IL1RAPL1: variants seen among roughly 807,000 people sequenced by gnomAD.
IL1RAPL1 encodes the protein interleukin 1 receptor accessory protein like 1.
IL1RAPL1 carries 3 observed loss-of-function variants against 48.4 expected under a neutral mutation model. The observed-to-expected ratio is 0.06, with a 90% CI of 0.03 to 0.16. The LOEUF (loss-of-function observed/expected upper bound fraction) is 0.16. Among genes scored for constraint, IL1RAPL1 ranks in the 10% least tolerant of loss-of-function variants. The pLI is 1.00. For synonymous variants in IL1RAPL1, 185 were observed against 187.7 expected, an observed-to-expected ratio of 0.99 and a Z score of 0.12; for missense variants, 349 against 530.6, an observed-to-expected ratio of 0.66 and a Z score of 3.36.
chrX:29,073,146 C>T (rs1447211039), intron 2 of IL1RAPL1, among the ~76,000 whole-genome samples: 2 of 112,207 alleles, frequency 1.8e-5, no homozygotes, highest in African/African-American at 6.5e-5. Flanking sequence ...TGCCTCCAGT[C>T]CTTTTCCTGT....
chrX:29,778,795 G>A (rs1049723197), intron 6 of IL1RAPL1, among the ~76,000 whole-genome samples: 9 of 112,226 alleles, frequency 8.0e-5, no homozygotes, highest in African/African-American at 2.9e-4. Flanking sequence ...ATTTACAAAT[G>A]TAGAAGTGAG....
chrX:29,161,242 G>A (rs111606741), intron 2 of IL1RAPL1, among the ~76,000 whole-genome samples: 105 of 111,521 alleles, frequency 9.4e-4, no homozygotes, highest in African/African-American at 3.3e-3. Context: ...TCAATTACTG[G>A]TGATGCAGGA....
At chrX:29,177,645 G>T (rs1202987300) in intron 2 of IL1RAPL1, among the ~76,000 whole-genome samples, 1 of 111,902 alleles carries the variant, frequency 8.9e-6, no homozygotes, top group Non-Finnish European at 1.9e-5. Flanking sequence ...TGCACAACGT[G>T]CAGGTTTGTT....
chrX:28,753,463 GA>G (rs1381899680), intron 1 of IL1RAPL1, among the ~76,000 whole-genome samples: 1 of 112,210 alleles, frequency 8.9e-6, no homozygotes, highest in African/African-American at 3.2e-5. Flanking sequence ...CCAAGCCAAT[GA>G]ATAGGTTCCG....
At chrX:29,236,545 C>CTTTTTTTTTTTTT (rs754996544) in intron 2 of IL1RAPL1, among the ~76,000 whole-genome samples, 22 of 63,171 alleles carry the variant, frequency 3.5e-4, no homozygotes, top group East Asian at 1.0e-3. Context: ...CTTTTTTTTT[C>CTTTTTTTTTTTTT]TTTTTTTTTT....
intron 2 of IL1RAPL1, among the ~76,000 whole-genome samples, chrX:28,804,227 A>T (rs1261069049): frequency 8.9e-6 from 1 of 111,740 alleles, no homozygotes; most frequent in East Asian, 2.8e-4. Flanking sequence ...AAATGTTTTC[A>T]GACAAAACAT....
intron 6 of IL1RAPL1, among the ~76,000 whole-genome samples, chrX:29,907,254 A>G (rs974070756): frequency 1.8e-5 from 2 of 111,471 alleles, no homozygotes; most frequent in Non-Finnish European, 3.8e-5. Context: ...AATAAACACA[A>G]AAAATAAAAA....
intron 2 of IL1RAPL1, among the ~76,000 whole-genome samples, chrX:29,110,181 T>C (rs1312914271): frequency 8.9e-6 from 1 of 112,211 alleles, no homozygotes; most frequent in Non-Finnish European, 1.9e-5. Flanking sequence ...AGTCCTCCCA[T>C]GTTCTCCTTT....
At chrX:29,484,418 G>C (rs12556316) in intron 5 of IL1RAPL1, among the ~76,000 whole-genome samples, 50,071 of 110,060 alleles carry the variant, frequency 0.45, 8,439 homozygotes, top group East Asian at 0.7. Context: ...CTCCAAATAC[G>C]ATCAACATAT....
At chrX:28,629,658 T>G (rs196999) in intron 1 of IL1RAPL1, among the ~76,000 whole-genome samples, 1,798 of 111,987 alleles carry the variant, frequency 0.016, 21 homozygotes, top group Non-Finnish European at 0.026. Context: ...CTACTGAAAT[T>G]GGGACTATCT....
chrX:28,747,609 C>A lies in IL1RAPL1; in HGVS notation c.-24-41711C>A, dbSNP rs1294232035. On this transcript the variant is annotated intron_variant, in intron 1 of 10. Coordinates refer to ENST00000378993, the MANE Select transcript of IL1RAPL1 (RefSeq NM_014271.4). ...TGAGCTGAGATTTCACTACTGCATC[C>A]CGGCCTGGGCGACAGAGTGAGACTC... 2.7e-5 allele frequency among the ~76,000 whole-genome samples: 3 copies of A among 111,900 alleles called. No homozygotes were observed. In the East Asian group the frequency reaches 8.4e-4, roughly 31 times the overall value.
At chrX:29,101,381 G>A (rs1297749035) in intron 2 of IL1RAPL1, among the ~76,000 whole-genome samples, 1 of 111,683 alleles carries the variant, frequency 9.0e-6, no homozygotes, top group Non-Finnish European at 1.9e-5. Flanking sequence ...GCAAAGTGCA[G>A]CTTCGGACTC....
intron 2 of IL1RAPL1, among the ~76,000 whole-genome samples, chrX:29,192,550 T>C (rs1285206675): frequency 8.9e-6 from 1 of 112,206 alleles, no homozygotes; most frequent in East Asian, 2.8e-4. Context: ...ATCTATATCA[T>C]TGAGGAACAA....
At chrX:29,813,319 T>C (rs1311369094) in intron 6 of IL1RAPL1, among the ~76,000 whole-genome samples, 4 of 111,413 alleles carry the variant, frequency 3.6e-5, no homozygotes, top group Non-Finnish European at 3.8e-5. Context: ...GGGCACTATG[T>C]CTTCTGTTTT....
intron 1 of IL1RAPL1, among the ~76,000 whole-genome samples, chrX:28,742,598 G>C (rs963615872): frequency 1.8e-5 from 2 of 111,411 alleles, no homozygotes; most frequent in African/African-American, 6.5e-5. Context: ...GTCTTTTTTG[G>C]AGAAGAACAA....
chrX:29,343,739 T>C (rs1361546512), intron 3 of IL1RAPL1, among the ~76,000 whole-genome samples: 1 of 111,605 alleles, frequency 9.0e-6, no homozygotes, highest in Non-Finnish European at 1.9e-5. Flanking sequence ...TAGTTTTTTT[T>C]TACATTAGAA....
chrX:29,511,341 G>A (rs1011254357), intron 5 of IL1RAPL1, among the ~76,000 whole-genome samples: 5 of 111,616 alleles, frequency 4.5e-5, no homozygotes, highest in Admixed American at 3.8e-4. Context: ...CCTGGTTTGC[G>A]TATGTGCCTC....
intron 1 of IL1RAPL1, among the ~76,000 whole-genome samples, chrX:28,788,668 A>G (rs1195096583): frequency 9.9e-6 from 1 of 101,235 alleles, no homozygotes. Flanking sequence ...GGGTTTTGCC[A>G]TGTTGCCCAG....
At chrX:29,029,918 G>A (rs1295926964) in intron 2 of IL1RAPL1, among the ~76,000 whole-genome samples, 1 of 108,022 alleles carries the variant, frequency 9.3e-6, no homozygotes, top group Non-Finnish European at 1.9e-5. Context: ...TTTCATGAAT[G>A]GTATAAAGTC....
Sources: allele counts gnomAD v4.1 joint callset (sites outside exome capture counted in the v4.1 genomes callset), GRCh38; gene constraint gnomAD v4.1.1; transcripts MANE v1.5; gene names NCBI Gene and HGNC (gene_info 2026-07-23, HGNC 2026-07-21).